The following RNF217 variants were observed in gnomAD, a reference collection of about 807,000 sequenced individuals.
RNF217 encodes ring finger protein 217, also known as E3 ubiquitin-protein ligase RNF217.
A neutral mutation model predicts 57.8 loss-of-function variants in RNF217; 31 were observed. That is an observed-to-expected ratio of 0.54 (90% CI 0.40 to 0.72). The LOEUF (loss-of-function observed/expected upper bound fraction) is 0.72. Among genes scored for constraint, RNF217 ranks in the 30% least tolerant of loss-of-function variants. The pLI is 0.00. For missense variants in RNF217, 696 were observed against 708.3 expected (o/e 0.98, Z 0.20); for synonymous variants, 313 against 294.0 (o/e 1.06, Z -0.66).
chr6:124,974,762 TG>T (rs1783897878), intron 1 of RNF217, among the ~76,000 whole-genome samples: 1 of 152,246 alleles, frequency 6.6e-6, no homozygotes, highest in Non-Finnish European at 1.5e-5. Flanking sequence ...TTAACCATCC[TG>T]GTCAATCTTT....
chr6:125,049,277 A>G (rs905645400), intron 2 of RNF217, among the ~76,000 whole-genome samples: 2 of 152,006 alleles, frequency 1.3e-5, no homozygotes, highest in Non-Finnish European at 2.9e-5. Flanking sequence ...AGCAATTATC[A>G]CCTGGGATTT....
chr6:125,012,504 T>C (rs903932338), intron 1 of RNF217, among the ~76,000 whole-genome samples: 1 of 152,178 alleles, frequency 6.6e-6, no homozygotes, highest in African/African-American at 2.4e-5. Flanking sequence ...GTTTAAAATA[T>C]ATTTGCATGA....
chr6:125,086,296 C>T lies in RNF217; in HGVS notation c.*3359C>T, dbSNP rs1473145696. 1 of 151,720 alleles carries T rather than the reference C, an allele frequency of 6.6e-6. No individual in the cohort carries two copies. Among genetic ancestry groups the T allele is most frequent in the Non-Finnish European group, 1.5e-5 (1 of 67,884 alleles). 9.4% of individuals were successfully genotyped at this position (151,720 alleles called of 1,614,324 possible). A position where few individuals can be genotyped will look rare whatever the true frequency, so the allele number is the denominator to read the frequency against. Reference sequence around the variant, plus strand: ...TAGCCAAATAAATACCTTGCCAAAACTTACAATAGGAAATTTTTTTTCAAT... The same window carrying T: ...TAGCCAAATAAATACCTTGCCAAAATTTACAATAGGAAATTTTTTTTCAAT... On this transcript the variant is annotated 3_prime_UTR_variant, in exon 6 of 6. Transcript: ENST00000521654.
chr6:125,082,435 T>C (rs891766898), intron 5 of RNF217: 4 of 1,587,554 alleles, frequency 2.5e-6, no homozygotes, highest in African/African-American at 2.7e-5. Flanking sequence ...GATATTATTA[T>C]CTGTATTATA....
chr6:125,021,564 C>T (rs568066307), intron 1 of RNF217, among the ~76,000 whole-genome samples: 11 of 152,016 alleles, frequency 7.2e-5, no homozygotes, highest in African/African-American at 2.2e-4. Flanking sequence ...TGCACCCGGC[C>T]AGAAAATGCT....
At chr6:125,060,807 AAG>A (rs1199180576) in intron 3 of RNF217, among the ~76,000 whole-genome samples, 3 of 152,184 alleles carry the variant, frequency 2.0e-5, no homozygotes, top group Non-Finnish European at 4.4e-5. Context: ...AAATTTGGAA[AAG>A]AGAGGGAAAA....
intron 2 of RNF217, among the ~76,000 whole-genome samples, chr6:125,049,721 A>C (rs1787237237): frequency 6.6e-6 from 1 of 151,994 alleles, no homozygotes; most frequent in South Asian, 2.1e-4. Flanking sequence ...AGGCAAAGAG[A>C]GCAGAATGAG....
intron 3 of RNF217, among the ~76,000 whole-genome samples, chr6:125,064,618 A>C (rs563776575): frequency 8.5e-5 from 13 of 152,338 alleles, no homozygotes; most frequent in Non-Finnish European, 1.5e-4. Context: ...GAAGTAAAAG[A>C]GGAAATGAAG....
intron 1 of RNF217, among the ~76,000 whole-genome samples, chr6:125,033,959 T>C (rs1254887548): frequency 1.3e-5 from 2 of 152,036 alleles, no homozygotes; most frequent in East Asian, 3.9e-4. Flanking sequence ...TGATGAGCAT[T>C]TTTTCATGTG....
Position 124,962,794 on chromosome 6 carries a change from C to A in RNF217, c.250C>A (p.Pro84Thr). The A allele has an allele frequency of 6.3e-7, 1 of 1,597,256 alleles. No individual in the cohort carries two copies. The highest frequency in any genetic ancestry group is 8.5e-7 in the Non-Finnish European group (1 of 1,179,534). Reference protein sequence around the residue: ...GPPGWSKSRAPAQPAGLALTG... With the variant: ...GPPGWSKSRATAQPAGLALTG... ...CCCGGGCTGGAGTAAGAGCCGAGCA[C>A]CGGCGCAGCCTGCGGGACTGGCACT... The change falls in exon 1 of 6, where the codon CCG (proline) becomes ACG (threonine). Residue 84 changes from proline (P) to threonine (T), a missense_variant. Coordinates refer to ENST00000521654, the MANE Select transcript of RNF217 (RefSeq NM_001286398.3). The surrounding 1 kb of genome is among the most constrained non-coding windows in gnomAD (Gnocchi z 4.6).
At chr6:125,042,492 G>A (rs1786921282) in intron 1 of RNF217, among the ~76,000 whole-genome samples, 1 of 152,076 alleles carries the variant, frequency 6.6e-6, no homozygotes, top group Non-Finnish European at 1.5e-5. Flanking sequence ...GTTCAGTGTA[G>A]TAGGATAGGG....
chr6:124,997,892 T>C (rs1784812407), intron 1 of RNF217, among the ~76,000 whole-genome samples: 1 of 152,196 alleles, frequency 6.6e-6, no homozygotes, highest in Non-Finnish European at 1.5e-5. Flanking sequence ...TTGACCTTAC[T>C]GATCCCACCG....
chr6:125,065,290 CAA>C (rs1192938088), intron 3 of RNF217, among the ~76,000 whole-genome samples: 8 of 63,716 alleles, frequency 1.3e-4, no homozygotes, highest in Non-Finnish European at 1.4e-4. Context: ...GACTCTGTCT[CAA>C]AAAAAAAAAA....
intron 3 of RNF217, among the ~76,000 whole-genome samples, chr6:125,065,290 CAAAAAA>C (rs1192938088): frequency 1.6e-5 from 1 of 63,740 alleles, no homozygotes; most frequent in Non-Finnish European, 3.4e-5. Context: ...GACTCTGTCT[CAAAAAA>C]AAAAAAAAAA....
At chr6:125,006,069 T>C (rs1347162492) in intron 1 of RNF217, 1 of 152,222 alleles carries the variant, frequency 6.6e-6, no homozygotes, top group Non-Finnish European at 1.5e-5. Context: ...CTGTACTGTT[T>C]CCATAGCTCC....
rs372264798 is a variant in RNF217, at chr6:125,018,153, G to A, written c.883-27058G>A. ...ATGAGGGCTCCTTACTTTCAAATTA[G>A]CATTAATTAGAGGTAGTGTAGAATC... On this transcript the variant is annotated intron_variant, in intron 1 of 5. Transcript: ENST00000521654. Among the ~76,000 whole-genome samples, 67 of 152,230 alleles carry A rather than the reference G, an allele frequency of 4.4e-4. No homozygotes were observed. The South Asian group carries it at 0.013, about 31-fold the overall frequency.
At chr6:125,053,143 C>T (rs1229957407) in intron 2 of RNF217, among the ~76,000 whole-genome samples, 2 of 152,094 alleles carry the variant, frequency 1.3e-5, no homozygotes, top group African/African-American at 4.8e-5. Flanking sequence ...GCCACATTCT[C>T]TCTGAACGCT....
chr6:125,009,372 A>C, intron 1 of RNF217: 2 of 828,578 alleles, frequency 2.4e-6, no homozygotes, highest in Non-Finnish European at 4.1e-6. Context: ...GCCCTCTCAC[A>C]GACATAGAGC....
chr6:125,081,878 G>A (rs1457067991), intron 5 of RNF217, among the ~76,000 whole-genome samples: 1 of 152,050 alleles, frequency 6.6e-6, no homozygotes, highest in African/African-American at 2.4e-5. Context: ...CACCTTATGT[G>A]TTTCATTTGG....
Sources: allele counts gnomAD v4.1 joint callset (sites outside exome capture counted in the v4.1 genomes callset), GRCh38; gene constraint gnomAD v4.1.1; non-coding constraint Gnocchi (gnomAD v3.1); transcripts MANE v1.5; gene names NCBI Gene and HGNC (gene_info 2026-07-23, HGNC 2026-07-21).